DCDC1: variants seen among roughly 807,000 people sequenced by gnomAD.
The protein encoded by DCDC1 is doublecortin domain-containing protein 1.
Under a neutral mutation model 178.3 loss-of-function variants are expected in DCDC1, and 200 were observed. The ratio of observed to expected loss-of-function variants is 1.12; its 90% CI spans 1.00 to 1.26. The LOEUF (loss-of-function observed/expected upper bound fraction) is 1.26. Ranked by LOEUF, DCDC1 falls within the 50% of genes most tolerant of loss-of-function variation. DCDC1 has a pLI of 0.00. For missense variants in DCDC1, 1,983 were observed against 1,749.2 expected (o/e 1.13, Z -2.38); for synonymous variants, 690 against 604.8 (o/e 1.14, Z -2.07).
intron 9 of DCDC1, among the ~76,000 whole-genome samples, chr11:31,155,703 G>GA (rs1348047458): frequency 6.6e-6 from 1 of 152,186 alleles, no homozygotes; most frequent in Non-Finnish European, 1.5e-5. Context: ...AATTTGGAGG[G>GA]AAACTACCCT....
chr11:31,190,586 C>T (rs80132103), intron 9 of DCDC1, among the ~76,000 whole-genome samples: 2 of 151,996 alleles, frequency 1.3e-5, no homozygotes, highest in East Asian at 1.9e-4. Flanking sequence ...AACACAAATC[C>T]TCATTCTGAT....
In DCDC1 at chr11:31,328,139, A is replaced by T; in HGVS notation, c.142T>A (p.Tyr48Asn). ...DGNTVNPIYK[Y>N]ILNDLPREFM... ...TACCTTGGTAAATCATTCAAAATAT[A>T]TTTGTAAATTGGGTTTACAGTATTC... The change falls in exon 3 of 39, where the codon TAT becomes AAT. Residue 48 changes from tyrosine to asparagine, a missense_variant. Transcript: ENST00000684477. 1 of 1,606,010 alleles carries T rather than the reference A, an allele frequency of 6.2e-7. No individual in the cohort carries two copies. The highest frequency in any genetic ancestry group is 8.5e-7 in the Non-Finnish European group (1 of 1,175,256).
At chr11:31,109,003 T>C (rs1475928304) in intron 12 of DCDC1, among the ~76,000 whole-genome samples, 1 of 152,196 alleles carries the variant, frequency 6.6e-6, no homozygotes, top group Non-Finnish European at 1.5e-5. Context: ...CAAAGAACTT[T>C]ATAATGCCCC....
intron 20 of DCDC1, among the ~76,000 whole-genome samples, chr11:31,060,173 A>G (rs1289013834): frequency 1.3e-5 from 2 of 152,104 alleles, no homozygotes; most frequent in East Asian, 1.9e-4. Context: ...TGGTAAACAT[A>G]ATAAATTGAG....
At chr11:31,044,852 A>G (rs1163628070) in intron 20 of DCDC1, among the ~76,000 whole-genome samples, 1 of 152,174 alleles carries the variant, frequency 6.6e-6, no homozygotes, top group Non-Finnish European at 1.5e-5. Context: ...TTAAACTGCT[A>G]TGTTTGTGGT....
chr11:31,098,493 C>T (rs187014670), intron 15 of DCDC1, among the ~76,000 whole-genome samples: 1 of 152,268 alleles, frequency 6.6e-6, no homozygotes, highest in East Asian at 1.9e-4. Flanking sequence ...AGGAAAGGTT[C>T]TACTTGTCAA....
In DCDC1 at chr11:31,012,703, G is replaced by T. The variant is rs548955531; in HGVS notation, c.2591+51766C>A. ...ATTGTGCTGTATTCATAAAATAAAT[G>T]ATATCCAGGAATTAAACTGAATTAG... On this transcript the variant is annotated intron_variant, in intron 20 of 38. Transcript: ENST00000684477. 1.9e-3 allele frequency among the ~76,000 whole-genome samples: 295 copies of T among 151,788 alleles called. 3 individuals carry two copies. The highest frequency in any genetic ancestry group is 6.9e-3 in the African/African-American group (285 of 41,454).
At chr11:30,989,195 A>C (rs948689541) in intron 20 of DCDC1, among the ~76,000 whole-genome samples, 3 of 152,222 alleles carry the variant, frequency 2.0e-5, no homozygotes, top group Non-Finnish European at 2.9e-5. Context: ...CAAGAGAAGA[A>C]AGTGTTTCAC....
intron 37 of DCDC1, 58 bp downstream of exon 37, chr11:30,881,100 G>C: frequency 6.3e-7 from 1 of 1,584,450 alleles, no homozygotes; most frequent in Non-Finnish European, 8.6e-7. Context: ...TCTTCCAAGA[G>C]AAGATTGAAT....
intron 20 of DCDC1, among the ~76,000 whole-genome samples, chr11:31,011,468 T>C (rs1201673670): frequency 6.6e-6 from 1 of 152,112 alleles, no homozygotes; most frequent in African/African-American, 2.4e-5. Flanking sequence ...GATATGCAAT[T>C]CACCAAAAAG....
In DCDC1 at chr11:30,907,811, G is replaced by A. The variant is rs141224309; in HGVS notation, c.3919-1086C>T. On this transcript the variant is annotated intron_variant, in intron 29 of 38. Transcript: ENST00000684477. The stretch of plus-strand genomic sequence containing the variant: ...TGACCCCAGCTCTAATCGCCGGCTC[G>A]CCAAGCAAAAAATGGGTTTTTTATT... 8.7e-4 allele frequency among the ~76,000 whole-genome samples: 133 copies of A among 152,060 alleles called. 1 individual carries two copies. Among genetic ancestry groups the A allele is most frequent in the South Asian group, 4.6e-3 (22 of 4,812 alleles).
rs753939392 is a variant in DCDC1, at chr11:30,916,877, T to G, written c.3445A>C (p.Lys1149Gln). The G allele has an allele frequency of 3.1e-6, 5 of 1,602,738 alleles. No homozygotes were observed. Residue 1149 changes from lysine (K) to glutamine (Q), a missense_variant, in exon 26 of 39, where the codon AAA becomes CAA. By Grantham distance (53) the Lys-to-Gln change is moderately conservative. Coordinates refer to ENST00000684477, the MANE Select transcript of DCDC1 (RefSeq NM_001387274.1). ...TCCTTTGCAACTTTTTACCTGTGTT[T>G]CTTCTGTGGTTCCACATTTTCAAAG... ...GLFENVEPQK[K>Q]HSCSPKHSKL...
chr11:31,031,724 T>G (rs1953664461), intron 20 of DCDC1, among the ~76,000 whole-genome samples: 1 of 152,126 alleles, frequency 6.6e-6, no homozygotes, highest in Non-Finnish European at 1.5e-5. Flanking sequence ...ATCATCACAT[T>G]ATTAGGTTCT....
chr11:31,068,035 C>A (rs1159329516), intron 18 of DCDC1, among the ~76,000 whole-genome samples: 1 of 151,994 alleles, frequency 6.6e-6, no homozygotes, highest in Non-Finnish European at 1.5e-5. Flanking sequence ...TTCAAGAAAT[C>A]TATTTTAATG....
rs537713806 is a variant in DCDC1, at chr11:31,010,915, TATAG to T, written c.2591+53550_2591+53553del. 6.9e-3 allele frequency among the ~76,000 whole-genome samples: 1,051 copies of T among 152,284 alleles called. 8 individuals are homozygous for T. Among genetic ancestry groups the T allele is most frequent in the Admixed American group, 0.011 (175 of 15,286 alleles). Reference sequence around the variant, plus strand: ...TTTTTTGCTTTCATCATGAATACCGTATAGATATTTAGAATATGTAAACTAATAT... The same window carrying T: ...TTTTTTGCTTTCATCATGAATACCGTATATTTAGAATATGTAAACTAATAT... On this transcript the variant is annotated intron_variant, in intron 20 of 38. Coordinates refer to ENST00000684477, the MANE Select transcript of DCDC1 (RefSeq NM_001387274.1).
chr11:31,133,241 A>G (rs1421915838), intron 10 of DCDC1, among the ~76,000 whole-genome samples: 1 of 152,144 alleles, frequency 6.6e-6, no homozygotes, highest in Non-Finnish European at 1.5e-5. Context: ...GAATCCACCC[A>G]TGTTATTAAG....
At chr11:31,266,636 G>T (rs1194560410) in intron 7 of DCDC1, among the ~76,000 whole-genome samples, 1 of 152,140 alleles carries the variant, frequency 6.6e-6, no homozygotes, top group Non-Finnish European at 1.5e-5. Flanking sequence ...ATATTAATAT[G>T]ATTATAGTAA....
intron 3 of DCDC1, among the ~76,000 whole-genome samples, chr11:31,323,486 C>T (rs1223323006): frequency 1.3e-5 from 2 of 152,120 alleles, no homozygotes; most frequent in Admixed American, 6.6e-5. Context: ...ATTTGGTAGT[C>T]TCTTTGTTAA....
intron 8 of DCDC1, among the ~76,000 whole-genome samples, chr11:31,247,594 G>A (rs1271520048): frequency 5.3e-5 from 8 of 151,984 alleles, no homozygotes; most frequent in Non-Finnish European, 8.8e-5. Context: ...CTCATCATAC[G>A]CTTACTGATT....
Sources: gnomAD v4.1 joint callset for allele counts (sites outside exome capture counted in the v4.1 genomes callset) on GRCh38, gnomAD v4.1.1 for gene constraint, MANE v1.5 for transcripts, NCBI Gene and HGNC (gene_info 2026-07-23, HGNC 2026-07-21) for gene names.